NLGN1: variants seen among roughly 807,000 people sequenced by gnomAD.
NLGN1 encodes the protein neuroligin-1.
In NLGN1, 12 loss-of-function variants were observed where a neutral mutation model predicts 65.5. The ratio of observed to expected loss-of-function variants is 0.18; its 90% CI spans 0.12 to 0.30. NLGN1 has a LOEUF of 0.30. Ranked by LOEUF, NLGN1 falls within the 10% of genes least tolerant of loss-of-function variation. The pLI is 1.00. For synonymous variants in NLGN1, 350 were observed against 359.5 expected (o/e 0.97, Z 0.30); for missense variants, 750 against 1,007.1 (o/e 0.74, Z 3.46).
chr3:173,636,887 G>A (rs1756676710), intron 3 of NLGN1, among the ~76,000 whole-genome samples: 2 of 152,078 alleles, frequency 1.3e-5, no homozygotes, highest in Non-Finnish European at 2.9e-5. Context: ...GTTTTGCAGT[G>A]AAAAGAGGTC....
chr3:173,412,311 G>GACACACACACACAC lies in NLGN1; in HGVS notation c.-390+13844_-390+13857dup, dbSNP rs71162345. On this transcript the variant is annotated intron_variant, in intron 1 of 6. Coordinates refer to ENST00000457714, the Ensembl canonical transcript of NLGN1. The stretch of plus-strand genomic sequence containing the variant: ...TGCTCAATGCATTCTCTCTCACTCT[G>GACACACACACACAC]ACACACACACACACACACACACACA... Among the ~76,000 whole-genome samples, 41 of 147,638 alleles carry GACACACACACACAC rather than the reference G, an allele frequency of 2.8e-4. 1 individual carries two copies. In the South Asian group the frequency reaches 3.7e-3, roughly 13 times the overall value.
intron 2 of NLGN1, among the ~76,000 whole-genome samples, chr3:173,539,837 GTTATATATA>G (rs1738484785): frequency 7.9e-6 from 1 of 127,098 alleles, no homozygotes; most frequent in Admixed American, 7.8e-5. Flanking sequence ...ATGTATATAT[GTTATATATA>G]TTATATGTTA....
intron 1 of NLGN1, among the ~76,000 whole-genome samples, chr3:173,410,543 T>C (rs1474872057): frequency 6.6e-6 from 1 of 152,204 alleles, no homozygotes; most frequent in Admixed American, 6.5e-5. Context: ...TTTATTTCAC[T>C]AGCACATGGA....
chr3:173,518,874 TG>T (rs1049982802), intron 2 of NLGN1, among the ~76,000 whole-genome samples: 3 of 152,016 alleles, frequency 2.0e-5, no homozygotes, highest in African/African-American at 7.2e-5. Context: ...GCTTACACAA[TG>T]GGGGAAAGGC....
chr3:173,537,443 C>T (rs780426037), intron 2 of NLGN1, among the ~76,000 whole-genome samples: 17 of 151,358 alleles, frequency 1.1e-4, no homozygotes, highest in African/African-American at 1.7e-4. Flanking sequence ...GTACATCTTA[C>T]GTTACATGAC....
chr3:174,097,805 A>C (rs1224786567), intron 4 of NLGN1, among the ~76,000 whole-genome samples: 1 of 152,194 alleles, frequency 6.6e-6, no homozygotes, highest in African/African-American at 2.4e-5. Context: ...GGTGTGGTAC[A>C]GTCTCTAATT....
chr3:173,615,755 T>G (rs2149485403), intron 3 of NLGN1, among the ~76,000 whole-genome samples: 1 of 152,006 alleles, frequency 6.6e-6, no homozygotes, highest in South Asian at 2.1e-4. Flanking sequence ...TTTTTTTTTT[T>G]TTTTTTAAAG....
chr3:173,697,776 C>T lies in NLGN1; in HGVS notation c.493+92685C>T, dbSNP rs542775614. ...AACTCCTGACCTCAGGTGATCCACC[C>T]GCCTCGGCCTCCCAAAGTACTGGGA... On this transcript the variant is annotated intron_variant, in intron 3 of 6. Coordinates refer to ENST00000457714, the Ensembl canonical transcript of NLGN1. 7.2e-5 allele frequency among the ~76,000 whole-genome samples: 11 copies of T among 152,204 alleles called. No individual in the cohort carries two copies. In the South Asian group the frequency reaches 8.3e-4, roughly 12 times the overall value.
chr3:174,077,500 C>T (rs963873065), intron 4 of NLGN1, among the ~76,000 whole-genome samples: 3 of 152,048 alleles, frequency 2.0e-5, no homozygotes, highest in Non-Finnish European at 4.4e-5. Context: ...ATTTGGACAA[C>T]ATGAGGAAAT....
intron 3 of NLGN1, among the ~76,000 whole-genome samples, chr3:173,678,666 G>A (rs1282582747): frequency 6.6e-6 from 1 of 152,074 alleles, no homozygotes; most frequent in African/African-American, 2.4e-5. Flanking sequence ...TGATTTTAAA[G>A]GACCTTATAC....
chr3:173,717,190 G>A (rs532234290), intron 3 of NLGN1, among the ~76,000 whole-genome samples: 95 of 152,268 alleles, frequency 6.2e-4, no homozygotes, highest in African/African-American at 2.3e-3. Flanking sequence ...TGGACTTTGA[G>A]AGTGAACTTT....
chr3:173,901,795 T>C (rs1491706), intron 4 of NLGN1, among the ~76,000 whole-genome samples: 1 of 152,060 alleles, frequency 6.6e-6, no homozygotes, highest in Admixed American at 6.6e-5. Context: ...GCTCTGAGAA[T>C]CACTGCACTG....
At chr3:174,032,043 G>A (rs1730137664) in intron 4 of NLGN1, among the ~76,000 whole-genome samples, 1 of 152,012 alleles carries the variant, frequency 6.6e-6, no homozygotes. Flanking sequence ...AGAAACAAAT[G>A]ATTTCCAAAG....
In NLGN1 at chr3:173,545,199, C is replaced by G. The variant is rs571522729; in HGVS notation, c.-320-59080C>G. On this transcript the variant is annotated intron_variant, in intron 2 of 6. Transcript: ENST00000457714. ...AAGTGATTCTCCTGCCTCAACCTCC[C>G]AAGTAGCTGGGATTACAGGCATGTG... Among the ~76,000 whole-genome samples, 39 of 152,182 alleles carry G rather than the reference C, an allele frequency of 2.6e-4. No individual in the cohort carries two copies. In the South Asian group the frequency reaches 7.7e-3, roughly 30 times the overall value.
chr3:173,487,046 T>G (rs1728285159), intron 2 of NLGN1, among the ~76,000 whole-genome samples: 1 of 151,834 alleles, frequency 6.6e-6, no homozygotes. Flanking sequence ...TAGAAGAAGC[T>G]TCTTTCTAAT....
chr3:174,277,228 A>C (rs1279616023), intron 5 of NLGN1, among the ~76,000 whole-genome samples: 2 of 152,040 alleles, frequency 1.3e-5, no homozygotes, highest in East Asian at 3.9e-4. Context: ...GAAATCATCA[A>C]GCTGATTCTG....
intron 4 of NLGN1, among the ~76,000 whole-genome samples, chr3:173,876,734 A>G (rs1029534600): frequency 4.6e-5 from 7 of 152,200 alleles, no homozygotes; most frequent in African/African-American, 1.7e-4. Context: ...AACAACTTAA[A>G]CAACATTATA....
chr3:173,978,834 TAAAAA>T (rs34496124), intron 4 of NLGN1, among the ~76,000 whole-genome samples: 5 of 111,276 alleles, frequency 4.5e-5, no homozygotes, highest in African/African-American at 1.0e-4. Flanking sequence ...CTTCTCTAAT[TAAAAA>T]AAAAAAAAAA....
At chr3:174,197,656 A>C (rs1051377725) in intron 4 of NLGN1, among the ~76,000 whole-genome samples, 5 of 151,790 alleles carry the variant, frequency 3.3e-5, no homozygotes, top group Non-Finnish European at 7.4e-5. Context: ...TTCTAAATGC[A>C]ACTGAGGCTG....
Sources: gnomAD v4.1 joint callset for allele counts (sites outside exome capture counted in the v4.1 genomes callset) on GRCh38, gnomAD v4.1.1 for gene constraint, MANE v1.5 for transcripts, NCBI Gene and HGNC (gene_info 2026-07-23, HGNC 2026-07-21) for gene names.